The following ALPK1 variants were observed in gnomAD, a reference collection of about 807,000 sequenced individuals.
ALPK1 encodes the protein alpha kinase 1, also known as alpha-protein kinase 1.
ALPK1 carries 110 observed loss-of-function variants against 120.6 expected under a neutral mutation model. That is an observed-to-expected ratio of 0.91 (90% CI 0.78 to 1.07). ALPK1 has a LOEUF of 1.07. ALPK1 is among the 50% of genes least tolerant of loss of function. ALPK1 has a pLI of 0.00. For synonymous variants in ALPK1, 582 were observed against 560.3 expected (o/e 1.04, Z -0.55); for missense variants, 1,498 against 1,483.9 (o/e 1.01, Z -0.16).
intron 2 of ALPK1, among the ~76,000 whole-genome samples, chr4:112,324,752 C>T (rs1282543311): frequency 6.6e-6 from 1 of 152,074 alleles, no homozygotes; most frequent in Non-Finnish European, 1.5e-5. Flanking sequence ...GTTGGAATTA[C>T]AGGTGTTAGC....
intron 2 of ALPK1, among the ~76,000 whole-genome samples, chr4:112,349,065 T>G (rs755100237): frequency 3.3e-5 from 5 of 152,262 alleles, no homozygotes; most frequent in Non-Finnish European, 5.9e-5. Context: ...GTTTTTTTTT[T>G]GTCTTGTTTT....
rs759862144 is a variant in ALPK1, at chr4:112,439,836, T to C, written c.3502T>C (p.Phe1168Leu). The C allele has an allele frequency of 6.2e-7, 1 of 1,610,616 alleles. No homozygotes were observed. ...GGCCTATGGCCATTTTTCTTATGAGTTTTCTAATCATAGAGATGTTGTGGT... is the reference window on the plus strand; with the variant it reads ...GGCCTATGGCCATTTTTCTTATGAGCTTTCTAATCATAGAGATGTTGTGGT... The part of the protein sequence containing the change: ...GLAYGHFSYE[F>L]SNHRDVVVDL... Residue 1168 changes from phenylalanine to leucine, a missense_variant, in exon 14 of 16, where the codon TTT (phenylalanine) becomes CTT (leucine). Physicochemically the swap from Phe to Leu is conservative, Grantham distance 22. Coordinates refer to ENST00000650871, the MANE Select transcript of ALPK1 (RefSeq NM_025144.4).
In ALPK1 at chr4:112,431,574, C is replaced by T; in HGVS notation, c.2027C>T (p.Pro676Leu). 3 of 1,614,206 alleles carry T rather than the reference C, an allele frequency of 1.9e-6. No individual in the cohort carries two copies. Among genetic ancestry groups the T allele is most frequent in the Non-Finnish European group, 2.5e-6 (3 of 1,180,036 alleles). ...CAGATGCCCTTGACACCCTTCTCGC[C>T]TCATAATACCCCAGGCATTTTCTTG... Reference protein sequence around the residue: ...QQQMPLTPFSPHNTPGIFLAP... With the variant: ...QQQMPLTPFSLHNTPGIFLAP... Residue 676 changes from proline to leucine, a missense_variant, in exon 11 of 16, where the codon CCT becomes CTT. Physicochemically the swap from Pro to Leu is moderately conservative, Grantham distance 98 (BLOSUM62 -3). Transcript: ENST00000650871.
intron 4 of ALPK1, among the ~76,000 whole-genome samples, chr4:112,394,273 GC>G (rs1270940905): frequency 6.6e-6 from 1 of 152,170 alleles, no homozygotes; most frequent in Non-Finnish European, 1.5e-5. Context: ...CCCATAGCCT[GC>G]CCCTCTGCTT....
intron 4 of ALPK1, among the ~76,000 whole-genome samples, chr4:112,395,742 C>T (rs150716621): frequency 1.0e-3 from 158 of 152,280 alleles, no homozygotes; most frequent in African/African-American, 3.4e-3. Flanking sequence ...GAAGATGTAG[C>T]TAGTACAGTT....
At chr4:112,308,858 T>TC (rs969909377) in intron 1 of ALPK1, among the ~76,000 whole-genome samples, 23 of 152,064 alleles carry the variant, frequency 1.5e-4, no homozygotes, top group African/African-American at 5.6e-4. Flanking sequence ...TCTGCTCTGT[T>TC]TTTTCCCCAT....
chr4:112,385,229 A>C (rs1732101405), intron 4 of ALPK1, among the ~76,000 whole-genome samples: 2 of 152,336 alleles, frequency 1.3e-5, no homozygotes, highest in South Asian at 4.1e-4. Context: ...GTCCCGCTGC[A>C]CTGGGGGTTT....
chr4:112,370,060 A>G (rs2148722087), intron 2 of ALPK1, among the ~76,000 whole-genome samples: 1 of 152,344 alleles, frequency 6.6e-6, no homozygotes, highest in South Asian at 2.1e-4. Flanking sequence ...TTTCCTTGAC[A>G]TATTCCCTAA....
intron 1 of ALPK1, among the ~76,000 whole-genome samples, chr4:112,307,486 A>T (rs1197149331): frequency 6.6e-6 from 1 of 151,958 alleles, no homozygotes; most frequent in Non-Finnish European, 1.5e-5. Flanking sequence ...TGGTGAATTG[A>T]TCCCTTTACC....
At chr4:112,434,023 C>G (rs935841478) in intron 11 of ALPK1, among the ~76,000 whole-genome samples, 1 of 152,128 alleles carries the variant, frequency 6.6e-6, no homozygotes, top group Non-Finnish European at 1.5e-5. Flanking sequence ...GACTAAAATA[C>G]AAATCACATT....
chr4:112,380,451 G>A (rs1461916468), intron 3 of ALPK1, among the ~76,000 whole-genome samples: 1 of 152,098 alleles, frequency 6.6e-6, no homozygotes, highest in African/African-American at 2.4e-5. Flanking sequence ...AGCCATCCTC[G>A]GTAATCAGTG....
Position 112,438,595 on chromosome 4 carries a change from T to G in ALPK1, c.3300T>G (p.Tyr1100Ter), listed in dbSNP as rs1362118661. The change falls in exon 13 of 16, where the codon TAT becomes TAG. Residue 1100 changes from tyrosine (Y) to a stop codon, truncating the protein, a stop_gained. Transcript: ENST00000650871. LOFTEE classifies it high-confidence loss of function. ...HYVTEFNKRL[Y>*]EQNIPTQIFY... ...TGACAGAATTTAACAAGAGACTCTA[T>G]GAACAAAACATTCCCACCCAGATAT... 7 of 1,613,798 alleles carry G rather than the reference T, an allele frequency of 4.3e-6. No individual in the cohort carries two copies. The highest frequency in any genetic ancestry group is 5.1e-6 in the Non-Finnish European group (6 of 1,179,818).
At chr4:112,420,109 A>T (rs768014761) in intron 5 of ALPK1, among the ~76,000 whole-genome samples, 11 of 152,262 alleles carry the variant, frequency 7.2e-5, no homozygotes, top group Non-Finnish European at 1.2e-4. Flanking sequence ...AAGCATTGTT[A>T]GAGGTACATG....
chr4:112,332,557 A>C (rs1387311087), intron 2 of ALPK1, among the ~76,000 whole-genome samples: 1 of 152,188 alleles, frequency 6.6e-6, no homozygotes, highest in African/African-American at 2.4e-5. Flanking sequence ...TGTCCTGTGA[A>C]ATGGTGAAAT....
At chr4:112,429,113 T>G in intron 9 of ALPK1, 36 bp from the exon 10 acceptor site, 1 of 1,567,356 alleles carries the variant, frequency 6.4e-7, no homozygotes, top group African/African-American at 1.3e-5. Flanking sequence ...GATAATTAAT[T>G]ATCACCATTC....
intron 2 of ALPK1, among the ~76,000 whole-genome samples, chr4:112,323,694 C>T (rs1728964435): frequency 6.6e-6 from 1 of 152,168 alleles, no homozygotes; most frequent in African/African-American, 2.4e-5. Flanking sequence ...TAAAATTTTA[C>T]TCTGTGAGAG....
chr4:112,418,155 C>A (rs974904557), intron 5 of ALPK1, among the ~76,000 whole-genome samples: 1 of 152,206 alleles, frequency 6.6e-6, no homozygotes, highest in Non-Finnish European at 1.5e-5. Flanking sequence ...CTCATACCTA[C>A]GCACACCACG....
chr4:112,332,617 A>G (rs1729434582), intron 2 of ALPK1, among the ~76,000 whole-genome samples: 1 of 152,250 alleles, frequency 6.6e-6, no homozygotes, highest in African/African-American at 2.4e-5. Flanking sequence ...TCAGGGAGCC[A>G]ATGTAGGAAT....
intron 2 of ALPK1, chr4:112,357,986 T>C: frequency 1.5e-6 from 1 of 684,274 alleles, no homozygotes. Flanking sequence ...CCTGGCGGTA[T>C]GCCGGGGAAA....
Sources: allele counts gnomAD v4.1 joint callset (sites outside exome capture counted in the v4.1 genomes callset), GRCh38; gene constraint gnomAD v4.1.1; transcripts MANE v1.5; gene names NCBI Gene and HGNC (gene_info 2026-07-23, HGNC 2026-07-21).